ANKRD33B: variants seen among roughly 807,000 people sequenced by gnomAD.
ANKRD33B encodes ankyrin repeat domain 33B.
A neutral mutation model predicts 21.5 loss-of-function variants in ANKRD33B; 6 were observed. The observed-to-expected ratio is 0.28, with a 90% CI of 0.15 to 0.55. The LOEUF (loss-of-function observed/expected upper bound fraction) is 0.55. ANKRD33B is among the 20% of genes least tolerant of loss of function. The pLI, the probability that ANKRD33B is intolerant of heterozygous loss-of-function variation, is 0.94. For missense variants in ANKRD33B, 698 were observed against 747.2 expected (o/e 0.93, Z 0.77); for synonymous variants, 347 against 342.4 (o/e 1.01, Z -0.15).
chr5:10,596,258 T>A (rs1210586949), intron 1 of ANKRD33B, among the ~76,000 whole-genome samples: 1 of 152,212 alleles, frequency 6.6e-6, no homozygotes, highest in African/African-American at 2.4e-5. Context: ...GCTGCACAGA[T>A]CAACCCATCA....
chr5:10,579,724 A>G (rs1735403296), intron 1 of ANKRD33B, among the ~76,000 whole-genome samples: 1 of 152,156 alleles, frequency 6.6e-6, no homozygotes, highest in South Asian at 2.1e-4. Flanking sequence ...TTTTTAAAGA[A>G]ACCTAGTGAG....
rs574251550 is a variant in ANKRD33B at position 10,649,797 on chromosome 5, C to T, written c.1169C>T (p.Ala390Val). 2.9e-6 allele frequency: 4 copies of T among 1,398,078 alleles called. No homozygotes were observed. In the African/African-American group the frequency reaches 4.6e-5, roughly 16 times the overall value. The allele number at this position is 1,398,078 out of a possible 1,614,324, so 86.6% of individuals were successfully genotyped here. A position where few individuals can be genotyped will look rare whatever the true frequency, so the allele number is the denominator to read the frequency against. Reference sequence around the variant, plus strand: ...TCCCCGAGAGCCGGCCTCCCTCCCGCCCTGGGGTCCCGGGGCCCCGCAGCG... The same window carrying T: ...TCCCCGAGAGCCGGCCTCCCTCCCGTCCTGGGGTCCCGGGGCCCCGCAGCG... Reference protein sequence around the residue: ...EGSPRAGLPPALGSRGPAAPA... With the variant: ...EGSPRAGLPPVLGSRGPAAPA... Residue 390 changes from alanine (A) to valine (V), a missense_variant, in exon 4 of 4, where the codon GCC becomes GTC. By Grantham distance (64) the Ala-to-Val change is moderately conservative (BLOSUM62 0). Coordinates refer to ENST00000296657, the MANE Select transcript of ANKRD33B (RefSeq NM_001164440.2).
Position 10,649,630 on chromosome 5 carries a change from C to T in ANKRD33B, c.1002C>T (p.Ser334=). 6.5e-7 allele frequency: 1 copy of T among 1,531,052 alleles called. No individual in the cohort carries two copies. The allele number at this position is 1,531,052 out of a possible 1,614,324, so 94.8% of individuals were successfully genotyped here. The part of the protein sequence containing the change: ...CQTVCPESPP[S]VGKRRLAVQE... ...CCGTGTGCCCTGAGAGCCCTCCGAGCGTGGGGAAGAGGCGGCTGGCGGTGC... is the reference window on the plus strand; with the variant it reads ...CCGTGTGCCCTGAGAGCCCTCCGAGTGTGGGGAAGAGGCGGCTGGCGGTGC... Residue 334 remains serine (S), a synonymous_variant, in exon 4 of 4, where the codon AGC becomes AGT. Coordinates refer to ENST00000296657, the MANE Select transcript of ANKRD33B (RefSeq NM_001164440.2).
At position 10,649,473 on chromosome 5, in the gene ANKRD33B, G is replaced by A; in HGVS notation, c.845G>A (p.Arg282Lys). The change falls in exon 4 of 4, where the codon AGG becomes AAG. Residue 282 changes from arginine to lysine, a missense_variant. Transcript: ENST00000296657. ...KPAGSKNCLQ[R>K]LTDCVLSVLT... ...GCGGGCTCCAAGAACTGCCTGCAGA[G>A]GCTCACAGACTGCGTGCTGTCCGTG... is the stretch of plus-strand genomic sequence containing the variant. 6.5e-7 allele frequency: 1 copy of A among 1,535,238 alleles called. No homozygotes were observed. The highest frequency in any genetic ancestry group is 8.7e-7 in the Non-Finnish European group (1 of 1,146,376).
At chr5:10,631,831 G>A (rs577588840) in intron 2 of ANKRD33B, among the ~76,000 whole-genome samples, 21 of 152,336 alleles carry the variant, frequency 1.4e-4, no homozygotes, top group African/African-American at 4.8e-4. Context: ...CTCACTGCGC[G>A]TCCTCTGTGG....
At chr5:10,568,977 A>G (rs1228168110) in intron 1 of ANKRD33B, among the ~76,000 whole-genome samples, 1 of 152,118 alleles carries the variant, frequency 6.6e-6, no homozygotes, top group Non-Finnish European at 1.5e-5. Context: ...TAAAATTAAA[A>G]CTTAATTTTC....
rs10658307 is a variant in ANKRD33B, at chr5:10,594,221, CTT to C, written c.367-24090_367-24089del. The stretch of plus-strand genomic sequence containing the variant: ...ATGCATTTTAAAAACACACATCCTT[CTT>C]TTTTTTTTTTTTTTTTTTTTTGAGA... On this transcript the variant is annotated intron_variant, in intron 1 of 3. Transcript: ENST00000296657. Among the ~76,000 whole-genome samples the C allele has an allele frequency of 5.7e-3, 472 of 83,152 alleles. 2 individuals carry two copies. The highest frequency in any genetic ancestry group is 0.019 in the African/African-American group (386 of 20,642). 54.6% of individuals were successfully genotyped at this position (83,152 alleles called of 152,430 possible). A position where few individuals can be genotyped will look rare whatever the true frequency, so the allele number is the denominator to read the frequency against.
rs937181483 is a variant in ANKRD33B at position 10,592,344 on chromosome 5, C to T, written c.367-25989C>T. 4.0e-5 allele frequency among the ~76,000 whole-genome samples: 6 copies of T among 150,520 alleles called. No homozygotes were observed. The South Asian group carries it at 6.3e-4, about 16-fold the overall frequency. On this transcript the variant is annotated intron_variant, in intron 1 of 3. Coordinates refer to ENST00000296657, the MANE Select transcript of ANKRD33B (RefSeq NM_001164440.2). ...ATAGAATCCTGGCTGGGCGCGGTGGCGCCCATGCCTGTAATCCCAGCACTT... is the reference window on the plus strand; with the variant it reads ...ATAGAATCCTGGCTGGGCGCGGTGGTGCCCATGCCTGTAATCCCAGCACTT...
intron 2 of ANKRD33B, among the ~76,000 whole-genome samples, chr5:10,632,774 T>C (rs1736756827): frequency 6.6e-6 from 1 of 152,148 alleles, no homozygotes; most frequent in Admixed American, 6.5e-5. Flanking sequence ...TTTCCCCTTT[T>C]TTATTTTTAT....
At chr5:10,625,903 C>T (rs1034484711) in intron 2 of ANKRD33B, among the ~76,000 whole-genome samples, 3 of 152,020 alleles carry the variant, frequency 2.0e-5, no homozygotes, top group African/African-American at 7.3e-5. Context: ...GAGGGCTGAA[C>T]AGAGGAGTTG....
At chr5:10,614,718 C>T (rs189272591) in intron 1 of ANKRD33B, among the ~76,000 whole-genome samples, 1 of 152,158 alleles carries the variant, frequency 6.6e-6, no homozygotes, top group Admixed American at 6.6e-5. Context: ...AAAACCCTGT[C>T]CCTACTAAAA....
At chr5:10,607,144 A>G (rs1476747058) in intron 1 of ANKRD33B, among the ~76,000 whole-genome samples, 2 of 152,214 alleles carry the variant, frequency 1.3e-5, no homozygotes, top group African/African-American at 4.8e-5. Flanking sequence ...TGAATAGATG[A>G]TGTATGCTAC....
intron 1 of ANKRD33B, among the ~76,000 whole-genome samples, chr5:10,603,621 G>A (rs1735978491): frequency 6.6e-6 from 1 of 152,010 alleles, no homozygotes; most frequent in Admixed American, 6.5e-5. Flanking sequence ...TTCATTGTAG[G>A]GAAAAATGAG....
In ANKRD33B at chr5:10,619,272, A is replaced by G; in HGVS notation, c.496+810A>G. 1 of 984,650 alleles carries G rather than the reference A, an allele frequency of 1.0e-6. No homozygotes were observed. The allele number at this position is 984,650 out of a possible 1,614,324, so 61.0% of individuals were successfully genotyped here. On this transcript the variant is annotated intron_variant, in intron 2 of 3. Coordinates refer to ENST00000296657, the MANE Select transcript of ANKRD33B (RefSeq NM_001164440.2). The surrounding 1 kb of genome is among the most constrained non-coding windows in gnomAD (Gnocchi z 4.5). ...GCTGCCTGCAGCTGAGCCAGGAAGA[A>G]CAGGCGCTTGTGTGTTGAAGGAAGG...
chr5:10,569,051 TA>T (rs1315308556), intron 1 of ANKRD33B, among the ~76,000 whole-genome samples: 1 of 152,224 alleles, frequency 6.6e-6, no homozygotes, highest in Non-Finnish European at 1.5e-5. Context: ...TTTATTTATT[TA>T]TTTTTTTAAT....
chr5:10,616,479 G>C (rs796409600), intron 1 of ANKRD33B, among the ~76,000 whole-genome samples: 5 of 149,196 alleles, frequency 3.4e-5, no homozygotes, highest in African/African-American at 1.3e-4. Context: ...CAGGAGAATC[G>C]CTTGAACCCA....
chr5:10,625,456 CTG>C (rs1736523334), intron 2 of ANKRD33B, among the ~76,000 whole-genome samples: 1 of 152,136 alleles, frequency 6.6e-6, no homozygotes, highest in African/African-American at 2.4e-5. Context: ...GCTGTTGAGA[CTG>C]TGTTTTTAGT....
intron 3 of ANKRD33B, among the ~76,000 whole-genome samples, chr5:10,638,977 CGGGTG>C (rs1736947672): frequency 1.6e-5 from 1 of 61,922 alleles, no homozygotes; most frequent in Non-Finnish European, 3.1e-5. Flanking sequence ...GCGATGTTAG[CGGGTG>C]ACGCGGAGTT....
chr5:10,625,789 C>T (rs377240728), intron 2 of ANKRD33B, among the ~76,000 whole-genome samples: 18 of 152,320 alleles, frequency 1.2e-4, no homozygotes, highest in East Asian at 3.9e-4. Flanking sequence ...AGTTAATCAA[C>T]GGCAGCAAGG....
Sources: allele counts gnomAD v4.1 joint callset (sites outside exome capture counted in the v4.1 genomes callset), GRCh38; gene constraint gnomAD v4.1.1; non-coding constraint Gnocchi (gnomAD v3.1); transcripts MANE v1.5; gene names NCBI Gene and HGNC (gene_info 2026-07-23, HGNC 2026-07-21).